ERAP1: variants seen among roughly 807,000 people sequenced by gnomAD.
The protein encoded by ERAP1 is adipocyte-derived leucine aminopeptidase.
Under a neutral mutation model 103.7 loss-of-function variants are expected in ERAP1, and 86 were observed. The ratio of observed to expected loss-of-function variants is 0.83; its 90% CI spans 0.70 to 0.99. The LOEUF is 0.99. ERAP1 is among the 50% of genes least tolerant of loss of function. ERAP1 has a pLI of 0.00. For missense variants in ERAP1, 1,009 were observed against 1,128.4 expected, an observed-to-expected ratio of 0.89 and a Z score of 1.52; for synonymous variants, 398 against 402.4, an observed-to-expected ratio of 0.99 and a Z score of 0.13.
the ERAP1 span, among the ~76,000 whole-genome samples, chr5:96,924,659 G>T: frequency 1.3e-5 from 2 of 151,434 alleles, no homozygotes; most frequent in African/African-American, 4.9e-5. Flanking sequence ...ATGCAATGGC[G>T]TGATCTCGGC....
At chr5:96,844,912 G>C in the ERAP1 span, among the ~76,000 whole-genome samples, 4 of 151,080 alleles carry the variant, frequency 2.6e-5, no homozygotes, top group Middle Eastern at 3.2e-3. Flanking sequence ...TTGAGGTATT[G>C]CCACTTTGAG....
At chr5:96,818,653 C>G in the ERAP1 span, among the ~76,000 whole-genome samples, 1 of 152,146 alleles carries the variant, frequency 6.6e-6, no homozygotes, top group Non-Finnish European at 1.5e-5. Context: ...CCGAGGCATT[C>G]AGAATCCATG....
the ERAP1 span, among the ~76,000 whole-genome samples, chr5:96,828,461 A>G: frequency 6.6e-6 from 1 of 152,200 alleles, no homozygotes; most frequent in Non-Finnish European, 1.5e-5. Flanking sequence ...TTAAATATTT[A>G]CTAAGAGAAA....
At chr5:96,863,491 A>G in the ERAP1 span, among the ~76,000 whole-genome samples, 1 of 151,944 alleles carries the variant, frequency 6.6e-6, no homozygotes, top group Non-Finnish European at 1.5e-5. Context: ...CTTTTTCATG[A>G]AATTCTCTTC....
the ERAP1 span, chr5:96,886,788 A>G: frequency 6.7e-7 from 1 of 1,490,144 alleles, no homozygotes; most frequent in Non-Finnish European, 9.1e-7. Context: ...TCAGGGGTCA[A>G]GGTGAGACTG....
the ERAP1 span, among the ~76,000 whole-genome samples, chr5:96,856,942 C>G: frequency 6.6e-5 from 10 of 152,196 alleles, no homozygotes; most frequent in Non-Finnish European, 1.0e-4. Flanking sequence ...ATCCCTGGTG[C>G]CTGTCTGGCT....
the ERAP1 span, among the ~76,000 whole-genome samples, chr5:96,933,447 TTG>T: frequency 6.6e-6 from 1 of 152,078 alleles, no homozygotes; most frequent in African/African-American, 2.4e-5. Context: ...CTTCATGTCT[TTG>T]TGTGTGTGAA....
the ERAP1 span, among the ~76,000 whole-genome samples, chr5:96,841,554 C>T: frequency 6.6e-6 from 1 of 152,172 alleles, no homozygotes; most frequent in African/African-American, 2.4e-5. Flanking sequence ...CCACAATGCC[C>T]ACAAGCATGG....
At chr5:96,914,343 G>C in the ERAP1 span, among the ~76,000 whole-genome samples, 3,242 of 152,224 alleles carry the variant, frequency 0.021, 121 homozygotes, top group African/African-American at 0.074. Context: ...TTTCATAGCC[G>C]TGGAAGGTTT....
chr5:96,886,820 G>A, the ERAP1 span: 1 of 1,378,372 alleles, frequency 7.3e-7, no homozygotes, highest in South Asian at 2.1e-5. Context: ...TCTACGCAGT[G>A]CAGAAAAGTG....
intron 11 of ERAP1, 49 bp from the exon 12 acceptor site, chr5:96,786,598 A>C (rs1388529263): frequency 3.2e-6 from 4 of 1,252,326 alleles, no homozygotes; most frequent in Non-Finnish European, 4.7e-6. Flanking sequence ...CAATTCAACA[A>C]GCAGTTATTA....
At chr5:96,911,160 T>C in the ERAP1 span, among the ~76,000 whole-genome samples, 1 of 152,230 alleles carries the variant, frequency 6.6e-6, no homozygotes, top group Non-Finnish European at 1.5e-5. Flanking sequence ...TACTTAACTT[T>C]TCTGAGATTT....
At chr5:96,908,126 C>T in the ERAP1 span, among the ~76,000 whole-genome samples, 7 of 152,124 alleles carry the variant, frequency 4.6e-5, no homozygotes, top group African/African-American at 1.7e-4. Flanking sequence ...AGGTAGAGCA[C>T]TATGTTAATG....
intron 12 of ERAP1, 132 bp downstream of exon 12, chr5:96,786,335 CTTT>C: frequency 1.5e-6 from 1 of 682,316 alleles, no homozygotes; most frequent in Non-Finnish European, 2.6e-6. Context: ...GGCCATTCTT[CTTT>C]GAAACCAGAA....
the ERAP1 span, among the ~76,000 whole-genome samples, chr5:96,889,825 AATAC>A: frequency 9.3e-6 from 1 of 107,470 alleles, no homozygotes; most frequent in Admixed American, 1.1e-4. Flanking sequence ...TCCATTAAAA[AATAC>A]ATACACACAC....
the ERAP1 span, among the ~76,000 whole-genome samples, chr5:96,891,105 TG>T: frequency 6.6e-6 from 1 of 152,162 alleles, no homozygotes; most frequent in African/African-American, 2.4e-5. Context: ...TTTTTGATTG[TG>T]TTATGTATAC....
chr5:96,776,186 G>C lies in ERAP1; in HGVS notation c.*210C>G. ...ACCCAACACTTGGGTTTACGTTGCA[G>C]GGCAACACCTGTGATGAACAAAACA... On this transcript the variant is annotated 3_prime_UTR_variant, in exon 19 of 19. Transcript: ENST00000443439. The C allele has an allele frequency of 1.3e-6, 2 of 1,512,118 alleles. No homozygotes were observed. Among genetic ancestry groups the C allele is most frequent in the Non-Finnish European group, 1.8e-6 (2 of 1,131,322 alleles). 93.7% of individuals were successfully genotyped at this position (1,512,118 alleles called of 1,614,324 possible).
chr5:96,934,493 A>G, the ERAP1 span: 1 of 152,236 alleles, frequency 6.6e-6, no homozygotes, highest in African/African-American at 2.4e-5. Flanking sequence ...TTTGTTACCA[A>G]AATATGGTGA....
chr5:96,887,072 A>AGTGT, the ERAP1 span, among the ~76,000 whole-genome samples: 11 of 61,702 alleles, frequency 1.8e-4, no homozygotes, highest in African/African-American at 4.4e-4. Flanking sequence ...TAATTTTCAA[A>AGTGT]GTATATATAT....
Sources: allele counts gnomAD v4.1 joint callset (sites outside exome capture counted in the v4.1 genomes callset), GRCh38; gene constraint gnomAD v4.1.1; transcripts MANE v1.5; gene names NCBI Gene and HGNC (gene_info 2026-07-23, HGNC 2026-07-21).